SENP6: variants seen among roughly 807,000 people sequenced by gnomAD.
SENP6 encodes sentrin-specific protease 6.
SENP6 carries 41 observed loss-of-function variants against 134.5 expected under a neutral mutation model. The ratio of observed to expected loss-of-function variants is 0.30; its 90% CI spans 0.24 to 0.40. The LOEUF (loss-of-function observed/expected upper bound fraction) is 0.40. Among genes scored for constraint, SENP6 ranks in the 10% least tolerant of loss-of-function variants. The pLI is 1.00. For missense variants in SENP6, 1,248 were observed against 1,312.5 expected, an observed-to-expected ratio of 0.95 and a Z score of 0.76; for synonymous variants, 395 against 429.8, an observed-to-expected ratio of 0.92 and a Z score of 1.00.
intron 18 of SENP6, 21 bp from the exon 19 acceptor site, chr6:75,702,624 C>T (rs1191016504): frequency 6.5e-7 from 1 of 1,527,190 alleles, no homozygotes; most frequent in Non-Finnish European, 8.8e-7. Context: ...CATATTTAGT[C>T]ATTTCATTTG....
intron 15 of SENP6, 50 bp from the exon 16 acceptor site, chr6:75,678,761 G>A: frequency 8.2e-6 from 11 of 1,341,410 alleles, no homozygotes; most frequent in African/African-American, 2.9e-5. Flanking sequence ...TTTCAGTTGT[G>A]TATATATATA....
intron 1 of SENP6, 64 bp downstream of exon 1, chr6:75,602,640 A>G: frequency 6.7e-7 from 1 of 1,488,582 alleles, no homozygotes; most frequent in Non-Finnish European, 9.2e-7. Flanking sequence ...GGCCCCCAGA[A>G]CCCCGGATAT....
intron 10 of SENP6, among the ~76,000 whole-genome samples, chr6:75,667,878 G>A (rs1193476953): frequency 6.6e-6 from 1 of 152,090 alleles, no homozygotes; most frequent in African/African-American, 2.4e-5. Context: ...TTATATCAGT[G>A]ACTTTTAGGA....
At chr6:75,657,047 A>G (rs1256069160) in intron 7 of SENP6, among the ~76,000 whole-genome samples, 2 of 152,146 alleles carry the variant, frequency 1.3e-5, no homozygotes, top group Non-Finnish European at 2.9e-5. Flanking sequence ...GCAGCAGAAA[A>G]CTAATTAGAT....
At chr6:75,682,232 C>G (rs1773515390) in intron 16 of SENP6, among the ~76,000 whole-genome samples, 1 of 151,438 alleles carries the variant, frequency 6.6e-6, no homozygotes, top group Admixed American at 6.6e-5. Context: ...ATGTGTGAAG[C>G]AAAAACTGAT....
At chr6:75,662,764 T>G (rs1194168957) in intron 8 of SENP6, among the ~76,000 whole-genome samples, 1 of 152,174 alleles carries the variant, frequency 6.6e-6, no homozygotes, top group Non-Finnish European at 1.5e-5. Flanking sequence ...TTTTTCTGTT[T>G]TAGTATCAAT....
intron 7 of SENP6, 69 bp from the exon 8 acceptor site, chr6:75,659,193 T>A: frequency 2.6e-6 from 3 of 1,170,994 alleles, no homozygotes; most frequent in Non-Finnish European, 3.6e-6. Context: ...ATGTTCTGAT[T>A]ATTTTTTTGC....
intron 5 of SENP6, 157 bp downstream of exon 5, chr6:75,634,968 T>C (rs549923112): frequency 2.0e-5 from 14 of 685,926 alleles, no homozygotes; most frequent in African/African-American, 1.9e-4. Flanking sequence ...GAAATTATAC[T>C]ATTTTATATC....
intron 1 of SENP6, among the ~76,000 whole-genome samples, chr6:75,604,770 TTAA>T (rs940155599): frequency 4.1e-4 from 62 of 152,322 alleles, no homozygotes; most frequent in African/African-American, 1.4e-3. Flanking sequence ...TCTTACACTT[TTAA>T]TAATAATAAA....
chr6:75,609,931 G>A (rs1767317784), intron 1 of SENP6, among the ~76,000 whole-genome samples: 3 of 152,042 alleles, frequency 2.0e-5, no homozygotes, highest in Non-Finnish European at 2.9e-5. Context: ...GGGATTACAG[G>A]CGCATACCAC....
chr6:75,654,775 C>T (rs1165469935), intron 7 of SENP6, among the ~76,000 whole-genome samples: 2 of 152,140 alleles, frequency 1.3e-5, no homozygotes, highest in African/African-American at 4.8e-5. Flanking sequence ...AAAGTTAAGC[C>T]TCTTCCTTAC....
At chr6:75,706,795 A>G (rs1775430998) in intron 19 of SENP6, among the ~76,000 whole-genome samples, 1 of 152,256 alleles carries the variant, frequency 6.6e-6, no homozygotes, top group African/African-American at 2.4e-5. Flanking sequence ...GTCAGATAAC[A>G]GGCTGTAGTA....
At chr6:75,699,105 C>G (rs1774850418) in intron 18 of SENP6, among the ~76,000 whole-genome samples, 2 of 151,718 alleles carry the variant, frequency 1.3e-5, no homozygotes, top group African/African-American at 2.4e-5. Context: ...GAACAGCTTA[C>G]TAGGTGAAAG....
Position 75,686,200 on chromosome 6 carries a change from C to T in SENP6, c.2075+7273C>T, listed in dbSNP as rs182923193. On this transcript the variant is annotated intron_variant, in intron 16 of 23. Coordinates refer to ENST00000447266, the MANE Select transcript of SENP6 (RefSeq NM_015571.4). ...CTGTTGGTTTAAAGTCTGTTTTATCCGAGACTAGGATTGCAACCCCTGCCT... is the reference window on the plus strand; with the variant it reads ...CTGTTGGTTTAAAGTCTGTTTTATCTGAGACTAGGATTGCAACCCCTGCCT... 9.9e-3 allele frequency among the ~76,000 whole-genome samples: 1,500 copies of T among 151,124 alleles called. 12 individuals are homozygous for T. Among genetic ancestry groups the T allele is most frequent in the Non-Finnish European group, 0.016 (1,067 of 67,700 alleles).
rs1242559947 is a variant in SENP6 at position 75,717,897 on chromosome 6, T to C, written c.*2303T>C. On this transcript the variant is annotated 3_prime_UTR_variant, in exon 24 of 24. Transcript: ENST00000447266. ...TGCCATAAAATTTGTATGTCTCAGC[T>C]CTTGTTGGTTTAGGAGCAGAAGTGG... The C allele has an allele frequency of 6.6e-6, 1 of 152,162 alleles. No homozygotes were observed. The highest frequency in any genetic ancestry group is 1.5e-5 in the Non-Finnish European group (1 of 67,998). The allele number at this position is 152,162 out of a possible 1,614,324, so 9.4% of individuals were successfully genotyped here.
chr6:75,622,861 A>G, intron 2 of SENP6: 4 of 1,233,144 alleles, frequency 3.2e-6, no homozygotes, highest in Non-Finnish European at 4.3e-6. Flanking sequence ...TTGAACTGGT[A>G]AGTCTCTCAT....
chr6:75,679,911 C>A (rs187815928), intron 16 of SENP6: 2 of 152,168 alleles, frequency 1.3e-5, no homozygotes, highest in Non-Finnish European at 2.9e-5. Flanking sequence ...TTGGTGGTTG[C>A]AACTCAGTTT....
intron 5 of SENP6, among the ~76,000 whole-genome samples, chr6:75,639,094 T>G (rs886623876): frequency 2.6e-5 from 4 of 152,122 alleles, no homozygotes; most frequent in African/African-American, 9.7e-5. Flanking sequence ...TCTTATTTTT[T>G]GGGCACAGCA....
chr6:75,690,490 C>G (rs193113068), intron 16 of SENP6, among the ~76,000 whole-genome samples: 1 of 152,144 alleles, frequency 6.6e-6, no homozygotes, highest in Admixed American at 6.5e-5. Context: ...TAGTCAAATT[C>G]ATAGAAACAG....
Sources: allele counts gnomAD v4.1 joint callset (sites outside exome capture counted in the v4.1 genomes callset), GRCh38; gene constraint gnomAD v4.1.1; transcripts MANE v1.5; gene names NCBI Gene and HGNC (gene_info 2026-07-23, HGNC 2026-07-21).